SH3PXD2A: variants seen among roughly 807,000 people sequenced by gnomAD.
SH3PXD2A encodes the protein SH3 and PX domains 2A.
Under a neutral mutation model 115.2 loss-of-function variants are expected in SH3PXD2A, and 32 were observed. The observed-to-expected ratio is 0.28, with a 90% CI of 0.21 to 0.37. SH3PXD2A has a LOEUF of 0.37. Among genes scored for constraint, SH3PXD2A ranks in the 10% least tolerant of loss-of-function variants. The probability of loss-of-function intolerance (pLI) is 1.00; values close to 1 mark genes in which losing one functional copy is unlikely to be tolerated. For synonymous variants in SH3PXD2A, 610 were observed against 629.1 expected, an observed-to-expected ratio of 0.97 and a Z score of 0.45; for missense variants, 1,328 against 1,498.7, an observed-to-expected ratio of 0.89 and a Z score of 1.88.
chr10:103,831,244 C>T (rs185480271), intron 1 of SH3PXD2A, among the ~76,000 whole-genome samples: 31 of 152,316 alleles, frequency 2.0e-4, no homozygotes, highest in Non-Finnish European at 4.0e-4. Flanking sequence ...TTGACACTTA[C>T]AGATCTTATT....
intron 6 of SH3PXD2A, among the ~76,000 whole-genome samples, chr10:103,682,273 G>A (rs1228126287): frequency 6.6e-6 from 1 of 152,192 alleles, no homozygotes; most frequent in African/African-American, 2.4e-5. Flanking sequence ...CAGCCACCTC[G>A]AGCCAGGGAG....
At chr10:103,605,142 A>G (rs1308851485) in intron 14 of SH3PXD2A, among the ~76,000 whole-genome samples, 1 of 152,202 alleles carries the variant, frequency 6.6e-6, no homozygotes, top group Non-Finnish European at 1.5e-5. Flanking sequence ...CCCAGGATCT[A>G]TCACCCTGTT....
chr10:103,818,942 G>A (rs185174597), intron 1 of SH3PXD2A, among the ~76,000 whole-genome samples: 15 of 152,276 alleles, frequency 9.9e-5, no homozygotes, highest in Non-Finnish European at 1.8e-4. Flanking sequence ...ATGCCTGACC[G>A]TTCCCCCAAC....
intron 5 of SH3PXD2A, among the ~76,000 whole-genome samples, chr10:103,706,707 T>G (rs1373319521): frequency 6.6e-6 from 1 of 152,172 alleles, no homozygotes; most frequent in Non-Finnish European, 1.5e-5. Context: ...AAGAGGCTGG[T>G]CAGACGCTGC....
intron 3 of SH3PXD2A, among the ~76,000 whole-genome samples, chr10:103,757,632 A>G (rs1225651605): frequency 6.6e-6 from 1 of 152,168 alleles, no homozygotes; most frequent in Non-Finnish European, 1.5e-5. Flanking sequence ...ACATTTCAAA[A>G]GTAAAAAAGC....
intron 3 of SH3PXD2A, among the ~76,000 whole-genome samples, chr10:103,743,835 A>T (rs564656096): frequency 8.5e-5 from 13 of 152,246 alleles, no homozygotes; most frequent in Non-Finnish European, 1.9e-4. Flanking sequence ...GTCAAGATAT[A>T]TCAACTTTTT....
intron 8 of SH3PXD2A, 22 bp downstream of exon 8, chr10:103,660,961 G>C (rs1460897342): frequency 6.2e-7 from 1 of 1,613,086 alleles, no homozygotes; most frequent in Non-Finnish European, 8.5e-7. Flanking sequence ...CCCAGTGGAC[G>C]GCCATTGGCC....
intron 8 of SH3PXD2A, among the ~76,000 whole-genome samples, chr10:103,639,460 G>T (rs769934457): frequency 6.6e-6 from 1 of 151,820 alleles, no homozygotes; most frequent in Non-Finnish European, 1.5e-5. Context: ...AAATACAAAA[G>T]TTAGCTGGGC....
intron 3 of SH3PXD2A, among the ~76,000 whole-genome samples, chr10:103,749,152 A>AAGCGCTGGGATTAC (rs6144057): frequency 6.6e-6 from 1 of 151,872 alleles, no homozygotes; most frequent in African/African-American, 2.4e-5. Flanking sequence ...TGGCCTCCCA[A>AAGCGCTGGGATTAC]AGGTGGGAGC....
intron 1 of SH3PXD2A, among the ~76,000 whole-genome samples, chr10:103,806,098 C>T (rs2039199380): frequency 6.6e-6 from 1 of 152,184 alleles, no homozygotes; most frequent in Non-Finnish European, 1.5e-5. Context: ...TTGCACCCTA[C>T]TTTCTATGCC....
At chr10:103,841,111 T>C (rs1237012482) in intron 1 of SH3PXD2A, among the ~76,000 whole-genome samples, 1 of 152,142 alleles carries the variant, frequency 6.6e-6, no homozygotes, top group Non-Finnish European at 1.5e-5. Context: ...GTTAGAAGCT[T>C]CAGTAAAAAT....
chr10:103,645,345 G>T (rs2037020596), intron 8 of SH3PXD2A, among the ~76,000 whole-genome samples: 1 of 152,140 alleles, frequency 6.6e-6, no homozygotes, highest in Non-Finnish European at 1.5e-5. Context: ...TCAGCCTCTG[G>T]GCAATGTTCC....
rs755927002 is a variant in SH3PXD2A at position 103,603,691 on chromosome 10, G to T, written c.1527C>A (p.Asn509Lys). The change falls in exon 15 of 15, where the codon AAC (asparagine) becomes AAA (lysine). Residue 509 changes from asparagine to lysine, a missense_variant. Asn to Lys is a moderately conservative substitution (Grantham distance 94). This residue lies in a region of SH3PXD2A where 509 missense variants were observed against 628.3 expected (regional missense o/e 0.81). Transcript: ENST00000369774. ...ASYIDKRKKP[N>K]LSRRTSTLTR... ...TCAGCGTGCTTGTGCGGCGGCTCAG[G>T]TTGGGCTTCTTGCGCTTATCGATGT... is the stretch of plus-strand genomic sequence containing the variant. The T allele has an allele frequency of 6.2e-7, 1 of 1,609,638 alleles. No individual in the cohort carries two copies.
At chr10:103,674,010 CCT>C (rs1033907220) in intron 6 of SH3PXD2A, among the ~76,000 whole-genome samples, 2 of 152,176 alleles carry the variant, frequency 1.3e-5, no homozygotes, top group African/African-American at 4.8e-5. Context: ...GCACTCAAGC[CCT>C]CTCTCTCTTT....
intron 14 of SH3PXD2A, among the ~76,000 whole-genome samples, chr10:103,604,733 C>T (rs1286780235): frequency 6.6e-6 from 1 of 152,226 alleles, no homozygotes; most frequent in Non-Finnish European, 1.5e-5. Flanking sequence ...TTCTTTGGGT[C>T]CTACATTCTG....
chr10:103,758,691 A>G (rs566826118), intron 3 of SH3PXD2A, among the ~76,000 whole-genome samples: 1 of 152,306 alleles, frequency 6.6e-6, no homozygotes, highest in African/African-American at 2.4e-5. Context: ...AGAGTAGGAG[A>G]CTGATTTTTG....
chr10:103,735,635 G>T, intron 4 of SH3PXD2A, 97 bp downstream of exon 4: 1 of 989,636 alleles, frequency 1.0e-6, no homozygotes, highest in Non-Finnish European at 1.6e-6. Context: ...GTTCTGTACA[G>T]CAACCTTTCC....
At chr10:103,760,404 A>T (rs2038687117) in intron 3 of SH3PXD2A, among the ~76,000 whole-genome samples, 1 of 152,072 alleles carries the variant, frequency 6.6e-6, no homozygotes, top group Non-Finnish European at 1.5e-5. Flanking sequence ...CCCCATCTCT[A>T]CAAAAAAATA....
At chr10:103,837,381 C>T (rs959130799) in intron 1 of SH3PXD2A, among the ~76,000 whole-genome samples, 4 of 152,162 alleles carry the variant, frequency 2.6e-5, no homozygotes, top group Non-Finnish European at 5.9e-5. Context: ...TTGGGTTCTT[C>T]CTGAAGCCGA....
Sources: gnomAD v4.1 joint callset for allele counts (sites outside exome capture counted in the v4.1 genomes callset) on GRCh38, gnomAD v4.1.1 for gene constraint, gnomAD v4.1.1 regional missense constraint, MANE v1.5 for transcripts, NCBI Gene and HGNC (gene_info 2026-07-23, HGNC 2026-07-21) for gene names.